The following PVALB variants were observed in gnomAD, a reference collection of about 807,000 sequenced individuals.
PVALB encodes the protein parvalbumin, also known as parvalbumin alpha.
In PVALB, 11 loss-of-function variants were observed where a neutral mutation model predicts 10.9. The ratio of observed to expected loss-of-function variants is 1.01; its 90% CI spans 0.63 to 1.67. The LOEUF is 1.67. Ranked by LOEUF, PVALB falls within the 40% of genes most tolerant of loss-of-function variation. The pLI is 0.00. For synonymous variants in PVALB, 57 were observed against 50.7 expected, an observed-to-expected ratio of 1.12 and a Z score of -0.53; for missense variants, 131 against 136.2, an observed-to-expected ratio of 0.96 and a Z score of 0.19.
At chr22:36,812,452 T>G (rs1939061057) in intron 3 of PVALB, among the ~76,000 whole-genome samples, 1 of 152,170 alleles carries the variant, frequency 6.6e-6, no homozygotes, top group African/African-American at 2.4e-5. Flanking sequence ...GGGACCTAGT[T>G]TTAAAAAAAT....
At chr22:36,810,041 C>A (rs771667405) in intron 3 of PVALB, among the ~76,000 whole-genome samples, 1 of 151,990 alleles carries the variant, frequency 6.6e-6, no homozygotes, top group East Asian at 1.9e-4. Flanking sequence ...TGTGCCACCA[C>A]GCCTGGCTAA....
intron 3 of PVALB, among the ~76,000 whole-genome samples, chr22:36,808,036 C>G (rs528701983): frequency 6.6e-6 from 1 of 152,314 alleles, no homozygotes; most frequent in African/African-American, 2.4e-5. Flanking sequence ...GTGGATCCAT[C>G]GCCGGGAATG....
Position 36,813,775 on chromosome 22 carries a change from A to C in PVALB, c.195-20T>G, listed in dbSNP as rs1939086113. ...ATGAATCTGGAGGAGAAAAGGGAGA[A>C]AGCCGGTGAGGGAGTCAGGCCGAGG... is the stretch of plus-strand genomic sequence containing the variant. On this transcript the variant is annotated intron_variant, in intron 2 of 3. Transcript: ENST00000417718. The C allele has an allele frequency of 6.3e-7, 1 of 1,590,714 alleles. No homozygotes were observed. The highest frequency in any genetic ancestry group is 2.2e-5 in the East Asian group (1 of 44,774).
At chr22:36,815,790 C>T (rs1268875731) in intron 1 of PVALB, among the ~76,000 whole-genome samples, 1 of 152,034 alleles carries the variant, frequency 6.6e-6, no homozygotes, top group African/African-American at 2.4e-5. Context: ...AAATCCACTT[C>T]GGAGGCAGTG....
At chr22:36,811,798 G>T (rs1445534031) in intron 3 of PVALB, among the ~76,000 whole-genome samples, 2 of 152,126 alleles carry the variant, frequency 1.3e-5, no homozygotes, top group Admixed American at 6.5e-5. Flanking sequence ...GGGGATGGGG[G>T]TGTGAGGGAG....
intron 3 of PVALB, 87 bp from the exon 4 acceptor site, chr22:36,801,005 G>T: frequency 1.5e-6 from 2 of 1,334,748 alleles, no homozygotes; most frequent in Non-Finnish European, 2.1e-6. Context: ...CCTGGGTGGT[G>T]CTCTCTCTGG....
chr22:36,808,513 G>C (rs1938997773), intron 3 of PVALB, among the ~76,000 whole-genome samples: 1 of 152,198 alleles, frequency 6.6e-6, no homozygotes, highest in Non-Finnish European at 1.5e-5. Context: ...TTGCAAAATG[G>C]GGATAGTGAC....
chr22:36,814,375 G>A (rs1939100345), intron 2 of PVALB, among the ~76,000 whole-genome samples: 1 of 152,098 alleles, frequency 6.6e-6, no homozygotes, highest in South Asian at 2.1e-4. Flanking sequence ...GTACCCTTGT[G>A]AGATGGTTTA....
At chr22:36,817,155 C>T (rs1939156253), upstream of PVALB, 2 of 651,900 alleles carry the variant, frequency 3.1e-6, no homozygotes, top group African/African-American at 1.9e-5. Context: ...GGACTCTGAG[C>T]GCAGCGGGAG....
chr22:36,808,421 C>A (rs890301489), intron 3 of PVALB, among the ~76,000 whole-genome samples: 1 of 152,030 alleles, frequency 6.6e-6, no homozygotes, highest in African/African-American at 2.4e-5. Flanking sequence ...AGGGTCCTGG[C>A]TGGACCACCG....
upstream of PVALB, chr22:36,818,545 C>G (rs546026310): frequency 1.0e-3 from 156 of 153,104 alleles, 1 homozygote; most frequent in African/African-American, 3.6e-3. Context: ...TCCAGGACTT[C>G]CCAGGACCCC....
At chr22:36,813,577 CTT>C in intron 3 of PVALB, 67 bp downstream of exon 3, 48 of 1,307,426 alleles carry the variant, frequency 3.7e-5, no homozygotes, top group Non-Finnish European at 5.3e-5. Context: ...ACAGACATAG[CTT>C]CAAACTTTTC....
intron 2 of PVALB, among the ~76,000 whole-genome samples, chr22:36,814,304 T>TGC (rs1222914087): frequency 2.9e-4 from 43 of 149,846 alleles, no homozygotes; most frequent in East Asian, 1.2e-3. Flanking sequence ...TGTGTGTGTG[T>TGC]GCATAAGTGT....
intron 3 of PVALB, among the ~76,000 whole-genome samples, chr22:36,809,722 A>T (rs1569092088): frequency 6.6e-6 from 1 of 152,116 alleles, no homozygotes; most frequent in Non-Finnish European, 1.5e-5. Flanking sequence ...TGCCATCATC[A>T]CTCAAGGTCA....
rs772324292 is a variant in PVALB, at chr22:36,815,083, C to G, written c.194+20G>C. ...CTCGTGCAGCCGTGGGCTGGGCAGC[C>G]CCTGCAGGCCTCCGCTTACCCCAGC... On this transcript the variant is annotated intron_variant, in intron 2 of 3. Coordinates refer to ENST00000417718, the MANE Select transcript of PVALB (RefSeq NM_001315532.2). The G allele has an allele frequency of 6.2e-7, 1 of 1,613,752 alleles. No individual in the cohort carries two copies. Among genetic ancestry groups the G allele is most frequent in the South Asian group, 1.1e-5 (1 of 91,036 alleles).
intron 3 of PVALB, among the ~76,000 whole-genome samples, chr22:36,812,108 T>A (rs936743949): frequency 1.3e-5 from 2 of 152,194 alleles, no homozygotes; most frequent in Non-Finnish European, 2.9e-5. Flanking sequence ...AATTTTGGGT[T>A]CACAGAATCT....
chr22:36,811,714 A>G (rs1046286364), intron 3 of PVALB, among the ~76,000 whole-genome samples: 3 of 152,156 alleles, frequency 2.0e-5, no homozygotes, highest in Admixed American at 2.0e-4. Context: ...AATGGAAGGC[A>G]GGTCTGGAGG....
rs140203612 is a variant in PVALB, at chr22:36,814,439, C to T, written c.194+664G>A. 9.2e-5 allele frequency among the ~76,000 whole-genome samples: 14 copies of T among 152,260 alleles called. No homozygotes were observed. In the East Asian group the frequency reaches 2.3e-3, roughly 25 times the overall value. On this transcript the variant is annotated intron_variant, in intron 2 of 3. Transcript: ENST00000417718. ...CCTACTTGAAAGGCCTCTCCCTACA[C>T]CCACCCCCCGCTTCTCTTTTTGACA...
chr22:36,804,807 G>A (rs369927211), intron 3 of PVALB, among the ~76,000 whole-genome samples: 1 of 152,100 alleles, frequency 6.6e-6, no homozygotes, highest in South Asian at 2.1e-4. Context: ...GGTGGCGCGC[G>A]CCTGTAATCC....
Sources: allele counts gnomAD v4.1 joint callset (sites outside exome capture counted in the v4.1 genomes callset), GRCh38; gene constraint gnomAD v4.1.1; transcripts MANE v1.5; gene names NCBI Gene and HGNC (gene_info 2026-07-23, HGNC 2026-07-21).